Variants in FSTL4 observed in about 807,000 individuals in gnomAD.
FSTL4 encodes follistatin like 4.
A neutral mutation model predicts 78.2 loss-of-function variants in FSTL4; 28 were observed. The observed-to-expected ratio is 0.36, with a 90% CI of 0.27 to 0.49. The LOEUF is 0.49. Ranked by LOEUF, FSTL4 falls within the 20% of genes least tolerant of loss-of-function variation. FSTL4 has a pLI of 0.98. For synonymous variants in FSTL4, 422 were observed against 440.5 expected, an observed-to-expected ratio of 0.96 and a Z score of 0.53; for missense variants, 922 against 1,084.9, an observed-to-expected ratio of 0.85 and a Z score of 2.11.
chr5:133,341,446 C>T (rs1754580065), intron 4 of FSTL4, among the ~76,000 whole-genome samples: 1 of 152,086 alleles, frequency 6.6e-6, no homozygotes, highest in Admixed American at 6.5e-5. Context: ...CTTCTCCTGG[C>T]ATTTCCCTTG....
At chr5:133,634,512 T>A in the FSTL4 span, among the ~76,000 whole-genome samples, 8 of 152,034 alleles carry the variant, frequency 5.3e-5, no homozygotes, top group Non-Finnish European at 8.8e-5. Context: ...AATCTTTGGG[T>A]CCTAAATTCC....
At chr5:133,372,391 G>A (rs948998190) in intron 4 of FSTL4, among the ~76,000 whole-genome samples, 12 of 152,056 alleles carry the variant, frequency 7.9e-5, no homozygotes, top group Non-Finnish European at 1.5e-4. Context: ...CCCTAAGCAC[G>A]TGACACCAAG....
chr5:133,531,640 A>G (rs1399478920), intron 3 of FSTL4, among the ~76,000 whole-genome samples: 1 of 152,242 alleles, frequency 6.6e-6, no homozygotes, highest in African/African-American at 2.4e-5. Context: ...GTGAGCTACA[A>G]CTTGCAATAA....
At chr5:133,795,802 T>C in the FSTL4 span, among the ~76,000 whole-genome samples, 1 of 152,206 alleles carries the variant, frequency 6.6e-6, no homozygotes, top group Admixed American at 6.5e-5. Context: ...TCCTCTTCCA[T>C]GCAGCCTAAA....
chr5:133,659,857 A>G, the FSTL4 span, among the ~76,000 whole-genome samples: 55 of 152,288 alleles, frequency 3.6e-4, no homozygotes, highest in South Asian at 0.011. Flanking sequence ...TTCCTCTAGA[A>G]AAATAATTCA....
the FSTL4 span, among the ~76,000 whole-genome samples, chr5:133,632,886 A>G: frequency 6.6e-6 from 1 of 151,932 alleles, no homozygotes; most frequent in African/African-American, 2.4e-5. Context: ...ATGGGCTTTC[A>G]CTATGTTGCC....
chr5:133,445,690 G>A (rs569393680), intron 3 of FSTL4, among the ~76,000 whole-genome samples: 4 of 152,296 alleles, frequency 2.6e-5, no homozygotes, highest in African/African-American at 7.2e-5. Context: ...GGCTTCAATC[G>A]GGGGCTTTCT....
the FSTL4 span, among the ~76,000 whole-genome samples, chr5:133,793,263 T>C: frequency 6.6e-6 from 1 of 152,212 alleles, no homozygotes; most frequent in Non-Finnish European, 1.5e-5. Context: ...ACAACCAAAA[T>C]GATTTTAGGT....
intron 6 of FSTL4, among the ~76,000 whole-genome samples, chr5:133,290,553 A>G (rs1443890878): frequency 6.6e-6 from 1 of 152,170 alleles, no homozygotes; most frequent in Admixed American, 6.5e-5. Context: ...TGTACTTTCC[A>G]CTGGGTCTGT....
chr5:133,352,623 C>T (rs190591758), intron 4 of FSTL4, among the ~76,000 whole-genome samples: 21 of 152,130 alleles, frequency 1.4e-4, no homozygotes, highest in Middle Eastern at 3.4e-3. Context: ...TTGCCCAGGC[C>T]GGTCTCAAAT....
At chr5:133,476,224 T>C (rs533367210) in intron 3 of FSTL4, among the ~76,000 whole-genome samples, 129 of 152,248 alleles carry the variant, frequency 8.5e-4, no homozygotes, top group African/African-American at 2.9e-3. Context: ...GGAGGCTCTG[T>C]CATTCAGCTT....
intron 4 of FSTL4, among the ~76,000 whole-genome samples, chr5:133,331,243 G>A: frequency 6.6e-6 from 1 of 152,312 alleles, no homozygotes; most frequent in Middle Eastern, 3.4e-3. Context: ...ATAACAGGTG[G>A]GGAGACTGGG....
At chr5:133,702,832 T>C in the FSTL4 span, among the ~76,000 whole-genome samples, 1 of 152,178 alleles carries the variant, frequency 6.6e-6, no homozygotes, top group Non-Finnish European at 1.5e-5. Flanking sequence ...AGCCTGGCAC[T>C]CACTGAAGAG....
At chr5:133,575,611 G>C (rs1338356568) in intron 2 of FSTL4, among the ~76,000 whole-genome samples, 2 of 152,126 alleles carry the variant, frequency 1.3e-5, no homozygotes, top group African/African-American at 4.8e-5. Context: ...CAATTATTGA[G>C]GCTAAATAAG....
the FSTL4 span, among the ~76,000 whole-genome samples, chr5:133,792,223 T>TCAGGCCCCACCC: frequency 6.6e-6 from 1 of 152,136 alleles, no homozygotes; most frequent in East Asian, 1.9e-4. Context: ...CAGCCTGCCC[T>TCAGGCCCCACCC]CAGGCCCCAC....
At chr5:133,262,647 T>C (rs1215964142) in intron 6 of FSTL4, among the ~76,000 whole-genome samples, 1 of 152,212 alleles carries the variant, frequency 6.6e-6, no homozygotes, top group Non-Finnish European at 1.5e-5. Context: ...GCCTGCGGGA[T>C]GGTAACCTTG....
chr5:133,704,929 C>T, the FSTL4 span, among the ~76,000 whole-genome samples: 18 of 152,362 alleles, frequency 1.2e-4, no homozygotes, highest in South Asian at 3.7e-3. Context: ...ACGCATTTGC[C>T]TGTTCCCTGG....
intron 3 of FSTL4, among the ~76,000 whole-genome samples, chr5:133,482,603 C>T (rs1758050123): frequency 6.6e-6 from 1 of 152,200 alleles, no homozygotes; most frequent in Non-Finnish European, 1.5e-5. Context: ...CCTCACAGCT[C>T]CACAGCAGAA....
chr5:133,768,069 G>A, the FSTL4 span, among the ~76,000 whole-genome samples: 1 of 152,152 alleles, frequency 6.6e-6, no homozygotes, highest in Non-Finnish European at 1.5e-5. Flanking sequence ...CAATGAAGCA[G>A]AAGAAAAAAT....
Sources: allele counts gnomAD v4.1 joint callset (sites outside exome capture counted in the v4.1 genomes callset), GRCh38; gene constraint gnomAD v4.1.1; transcripts MANE v1.5; gene names NCBI Gene and HGNC (gene_info 2026-07-23, HGNC 2026-07-21).